The following FLRT2 variants were observed in gnomAD, a reference collection of about 807,000 sequenced individuals.
FLRT2 encodes fibronectin leucine rich transmembrane protein 2, also known as leucine-rich repeat transmembrane protein FLRT2.
In FLRT2, 15 loss-of-function variants were observed where a neutral mutation model predicts 40.0. The observed-to-expected ratio is 0.38, with a 90% CI of 0.25 to 0.58. The LOEUF is 0.58. Among genes scored for constraint, FLRT2 ranks in the 20% least tolerant of loss-of-function variants. The pLI, the probability that FLRT2 is intolerant of heterozygous loss-of-function variation, is 0.71. For missense variants in FLRT2, 726 were observed against 840.0 expected, an observed-to-expected ratio of 0.86 and a Z score of 1.68; for synonymous variants, 380 against 336.8, an observed-to-expected ratio of 1.13 and a Z score of -1.41.
intron 1 of FLRT2, among the ~76,000 whole-genome samples, chr14:85,549,531 A>C (rs980840450): frequency 6.6e-6 from 1 of 152,210 alleles, no homozygotes; most frequent in Admixed American, 6.5e-5. Flanking sequence ...GTGAACATAG[A>C]GAGAAGGTCA....
intron 1 of FLRT2, among the ~76,000 whole-genome samples, chr14:85,572,811 A>C (rs1229316245): frequency 6.6e-6 from 1 of 152,146 alleles, no homozygotes; most frequent in Non-Finnish European, 1.5e-5. Context: ...CCCTTGAGTT[A>C]GCTGCTGTTA....
At position 85,629,049 on chromosome 14, in the gene FLRT2, A is replaced by C. The variant is rs1015383826; in HGVS notation, c.*5552A>C. 1 of 152,194 alleles carries C rather than the reference A, an allele frequency of 6.6e-6. No homozygotes were observed. Among genetic ancestry groups the C allele is most frequent in the Non-Finnish European group, 1.5e-5 (1 of 68,036 alleles). 9.4% of individuals were successfully genotyped at this position (152,194 alleles called of 1,614,324 possible). On this transcript the variant is annotated 3_prime_UTR_variant, in exon 2 of 2. Transcript: ENST00000330753. ...TATTTACTATTCATCTACTTTCTACAGCACTATGTTAGGGTCTTCCGGGGA... is the reference window on the plus strand; with the variant it reads ...TATTTACTATTCATCTACTTTCTACCGCACTATGTTAGGGTCTTCCGGGGA...
rs1399750950 is a variant in FLRT2, at chr14:85,646,026, A to T, written c.*22529A>T. 1 of 150,768 alleles carries T rather than the reference A, an allele frequency of 6.6e-6. No individual in the cohort carries two copies. The highest frequency in any genetic ancestry group is 1.5e-5 in the Non-Finnish European group (1 of 67,926). The allele number at this position is 150,768 out of a possible 1,614,324, so 9.3% of individuals were successfully genotyped here. A position where few individuals can be genotyped will look rare whatever the true frequency, so the allele number is the denominator to read the frequency against. ...TGTATATAGATTTGCCTGCCTTGTA[A>T]CCATGCCTTTGCATCTGTTTACTTA... On this transcript the variant is annotated 3_prime_UTR_variant, in exon 2 of 2. Coordinates refer to ENST00000330753, the MANE Select transcript of FLRT2 (RefSeq NM_013231.6).
At chr14:85,587,285 T>TG (rs1306098013) in intron 1 of FLRT2, among the ~76,000 whole-genome samples, 1 of 98,338 alleles carries the variant, frequency 1.0e-5, no homozygotes, top group Admixed American at 1.2e-4. Flanking sequence ...GGCTAAGGAA[T>TG]GGAAAAAAAA....
chr14:85,636,884 G>C lies in FLRT2; in HGVS notation c.*13387G>C, dbSNP rs942761619. 1 of 128,798 alleles carries C rather than the reference G, an allele frequency of 7.8e-6. No individual in the cohort carries two copies. The highest frequency in any genetic ancestry group is 1.6e-5 in the Non-Finnish European group (1 of 64,006). 8.0% of individuals were successfully genotyped at this position (128,798 alleles called of 1,614,324 possible). A position where few individuals can be genotyped will look rare whatever the true frequency, so the allele number is the denominator to read the frequency against. ...GCGGAGGTTGCAGTGAGCTGAGATA[G>C]TGCCACTGCATTCTAGCCTGGGTGA... is the stretch of plus-strand genomic sequence containing the variant. On this transcript the variant is annotated 3_prime_UTR_variant, in exon 2 of 2. Transcript: ENST00000330753.
At chr14:85,574,651 A>G (rs915278276) in intron 1 of FLRT2, among the ~76,000 whole-genome samples, 2 of 150,574 alleles carry the variant, frequency 1.3e-5, no homozygotes, top group Non-Finnish European at 3.0e-5. Context: ...TAAATTGAAG[A>G]TTTTTTTTTT....
chr14:85,535,907 TTTTTTTTTTTTTTTGTTGTTG>T (rs984176976), intron 1 of FLRT2, among the ~76,000 whole-genome samples: 5 of 79,162 alleles, frequency 6.3e-5, no homozygotes, highest in African/African-American at 3.0e-4. Flanking sequence ...TTTTTTTTTT[TTTTTTTTTTTTTTTGTTGTTG>T]TTGTTGTTGT....
At chr14:85,550,767 C>T (rs192652432) in intron 1 of FLRT2, among the ~76,000 whole-genome samples, 46 of 152,184 alleles carry the variant, frequency 3.0e-4, no homozygotes, top group Middle Eastern at 3.4e-3. Flanking sequence ...GATATTAGAA[C>T]TTATATTTGA....
At chr14:85,580,042 T>C (rs1891316071) in intron 1 of FLRT2, among the ~76,000 whole-genome samples, 1 of 151,982 alleles carries the variant, frequency 6.6e-6, no homozygotes, top group Admixed American at 6.6e-5. Context: ...CTCAGTTTTG[T>C]CACTCAGATT....
rs1251468574 is a variant in FLRT2, at chr14:85,636,409, C to CAAAAAAAAAAAAAAAAAAAAAAAA, written c.*12918_*12919insAAAAAAAAAAAAAAAAAAAAAAAA. ...CCTGCAGAAAAAAAAAAAAAAAAAA[C>CAAAAAAAAAAAAAAAAAAAAAAAA]AAAAAACATTCTTATTAATCTTAAC... On this transcript the variant is annotated 3_prime_UTR_variant, in exon 2 of 2. Coordinates refer to ENST00000330753, the MANE Select transcript of FLRT2 (RefSeq NM_013231.6). The CAAAAAAAAAAAAAAAAAAAAAAAA allele has an allele frequency of 1.2e-5, 1 of 84,934 alleles. No homozygotes were observed. The highest frequency in any genetic ancestry group is 2.5e-5 in the Non-Finnish European group (1 of 39,814). 5.3% of individuals were successfully genotyped at this position (84,934 alleles called of 1,614,324 possible).
intron 1 of FLRT2, among the ~76,000 whole-genome samples, chr14:85,554,271 C>G (rs1380938279): frequency 6.6e-6 from 1 of 152,134 alleles, no homozygotes; most frequent in African/African-American, 2.4e-5. Context: ...AGGTATTTAA[C>G]AAAGTCATGT....
intron 1 of FLRT2, among the ~76,000 whole-genome samples, chr14:85,599,375 A>G (rs1892286518): frequency 6.6e-6 from 1 of 152,118 alleles, no homozygotes. Flanking sequence ...GAACAATCTT[A>G]TAAGTAGGGC....
intron 1 of FLRT2, among the ~76,000 whole-genome samples, chr14:85,602,092 G>T (rs534937660): frequency 5.8e-4 from 89 of 152,178 alleles, no homozygotes; most frequent in African/African-American, 2.1e-3. Context: ...ATAATGAAGG[G>T]TAGTAAAGTG....
chr14:85,599,529 G>A (rs1892291769), intron 1 of FLRT2, among the ~76,000 whole-genome samples: 1 of 152,294 alleles, frequency 6.6e-6, no homozygotes. Context: ...TTCAGGCATT[G>A]AACACTGGTT....
intron 1 of FLRT2, among the ~76,000 whole-genome samples, chr14:85,566,781 A>AG (rs1470760825): frequency 5.3e-5 from 8 of 151,476 alleles, no homozygotes; most frequent in Non-Finnish European, 5.9e-5. Flanking sequence ...CATGAAAAAA[A>AG]AAAAAAGAAC....
intron 1 of FLRT2, chr14:85,531,207 GC>G (rs1245569653): frequency 1.3e-5 from 2 of 152,328 alleles, no homozygotes; most frequent in Non-Finnish European, 2.9e-5. Context: ...AGCATACGAG[GC>G]GGAATCCGGA....
intron 1 of FLRT2, among the ~76,000 whole-genome samples, chr14:85,599,607 C>T (rs949296701): frequency 1.3e-5 from 2 of 152,202 alleles, no homozygotes; most frequent in African/African-American, 2.4e-5. Context: ...TCAGACAGCG[C>T]CATGTACAAC....
In FLRT2 at chr14:85,609,587, G is replaced by T. The variant is rs541845981; in HGVS notation, c.-376-11552G>T. 6.2e-4 allele frequency among the ~76,000 whole-genome samples: 94 copies of T among 152,278 alleles called. 1 individual carries two copies. The South Asian group carries it at 0.019, about 31-fold the overall frequency. On this transcript the variant is annotated intron_variant, in intron 1 of 1. Transcript: ENST00000330753. Reference sequence around the variant, plus strand: ...GAATACCTAGTTTCTGCACCTGTGAGTCCCCCCAAAAGACAAAGTAACTCC... The same window carrying T: ...GAATACCTAGTTTCTGCACCTGTGATTCCCCCCAAAAGACAAAGTAACTCC...
In FLRT2 at chr14:85,558,288, AT is replaced by A. The variant is rs532851668; in HGVS notation, c.-377+27764del. Among the ~76,000 whole-genome samples the A allele has an allele frequency of 2.4e-3, 365 of 150,740 alleles. 2 individuals carry two copies. The highest frequency in any genetic ancestry group is 7.6e-3 in the African/African-American group (313 of 41,140). On this transcript the variant is annotated intron_variant, in intron 1 of 1. Coordinates refer to ENST00000330753, the MANE Select transcript of FLRT2 (RefSeq NM_013231.6). ...AATTATATAGTCAGGCTTTTCAGGA[AT>A]TTTTTTTTTAATCCTTCAACATTTA...
Sources: gnomAD v4.1 joint callset for allele counts (sites outside exome capture counted in the v4.1 genomes callset) on GRCh38, gnomAD v4.1.1 for gene constraint, MANE v1.5 for transcripts, NCBI Gene and HGNC (gene_info 2026-07-23, HGNC 2026-07-21) for gene names.